COL23A1: variants seen among roughly 807,000 people sequenced by gnomAD.
COL23A1 encodes collagen alpha-1(XXIII) chain.
Under a neutral mutation model 99.3 loss-of-function variants are expected in COL23A1, and 97 were observed. That is an observed-to-expected ratio of 0.98 (90% CI 0.83 to 1.16). COL23A1 has a LOEUF of 1.16. Among genes scored for constraint, COL23A1 ranks in the 50% most tolerant of loss-of-function variants. COL23A1 has a pLI of 0.00. For missense variants in COL23A1, 762 were observed against 757.4 expected, an observed-to-expected ratio of 1.01 and a Z score of -0.07; for synonymous variants, 320 against 308.2, an observed-to-expected ratio of 1.04 and a Z score of -0.40.
At chr5:178,331,809 G>T (rs1760039061) in intron 2 of COL23A1, among the ~76,000 whole-genome samples, 1 of 152,226 alleles carries the variant, frequency 6.6e-6, no homozygotes, top group South Asian at 2.1e-4. Flanking sequence ...TCCACAAAGA[G>T]AACAAAGAGT....
At chr5:178,503,746 A>G (rs72808898) in intron 2 of COL23A1, among the ~76,000 whole-genome samples, 1,658 of 152,202 alleles carry the variant, frequency 0.011, 18 homozygotes, top group Non-Finnish European at 0.015. Context: ...TGTTCTTTGT[A>G]CTTTTTTAAA....
At position 178,589,568 on chromosome 5, in the gene COL23A1, C is replaced by T. The variant is rs1358531898; in HGVS notation, c.294+336G>A. On this transcript the variant is annotated intron_variant, in intron 1 of 28. Transcript: ENST00000390654. This position sits in a 1 kb window ranked among gnomAD's most constrained non-coding sequence, Gnocchi z 5.4. ...CCTCATCTTTATCCCCGACTCTGGCCGCCGGCGGGAAGCGGCGTGTCCGAG... is the reference window on the plus strand; with the variant it reads ...CCTCATCTTTATCCCCGACTCTGGCTGCCGGCGGGAAGCGGCGTGTCCGAG... 3.3e-5 allele frequency among the ~76,000 whole-genome samples: 5 copies of T among 152,232 alleles called. No individual in the cohort carries two copies. Among genetic ancestry groups the T allele is most frequent in the Non-Finnish European group, 7.3e-5 (5 of 68,040 alleles).
At chr5:178,581,711 T>A (rs1011840673) in intron 1 of COL23A1, among the ~76,000 whole-genome samples, 3 of 151,774 alleles carry the variant, frequency 2.0e-5, no homozygotes, top group Admixed American at 2.0e-4. Context: ...CTAACAAAAA[T>A]AGGGGGAGGG....
intron 2 of COL23A1, among the ~76,000 whole-genome samples, chr5:178,531,126 C>T (rs774071883): frequency 2.0e-5 from 3 of 152,168 alleles, no homozygotes; most frequent in Admixed American, 1.3e-4. Context: ...CTCGGCCTCT[C>T]GAAGTGGTGG....
Position 178,549,311 on chromosome 5 carries a change from G to GA in COL23A1, c.361+11370dup, listed in dbSNP as rs199711187. Among the ~76,000 whole-genome samples, 383 of 144,612 alleles carry GA rather than the reference G, an allele frequency of 2.6e-3. 1 individual carries two copies. Among genetic ancestry groups the GA allele is most frequent in the African/African-American group, 8.1e-3 (318 of 39,386 alleles). The allele number at this position is 144,612 out of a possible 152,430, so 94.9% of individuals were successfully genotyped here. On this transcript the variant is annotated intron_variant, in intron 2 of 28. Transcript: ENST00000390654. ...GCCCGGACCCATACAAATACTTCTTGAAAAAAAAAATGAAGGGATAAAACA... is the reference window on the plus strand; with the variant it reads ...GCCCGGACCCATACAAATACTTCTTGAAAAAAAAAAATGAAGGGATAAAACA...
chr5:178,358,419 G>GTGTGTATGTGTA (rs1761936280), intron 2 of COL23A1, among the ~76,000 whole-genome samples: 2 of 140,240 alleles, frequency 1.4e-5, no homozygotes, highest in African/African-American at 5.7e-5. Context: ...GTATGTGTAT[G>GTGTGTATGTGTA]TGTGTGTATG....
At chr5:178,426,895 G>A (rs1164950556) in intron 2 of COL23A1, among the ~76,000 whole-genome samples, 1 of 152,206 alleles carries the variant, frequency 6.6e-6, no homozygotes, top group Non-Finnish European at 1.5e-5. Context: ...TCAGGGAAGT[G>A]CAGATCCAAA....
At chr5:178,361,028 C>T (rs1289603446) in intron 2 of COL23A1, among the ~76,000 whole-genome samples, 1 of 152,210 alleles carries the variant, frequency 6.6e-6, no homozygotes, top group Non-Finnish European at 1.5e-5. Context: ...CTGGCCACAT[C>T]CTTGCTACAT....
intron 2 of COL23A1, among the ~76,000 whole-genome samples, chr5:178,336,219 G>C (rs1257672238): frequency 6.6e-6 from 1 of 152,194 alleles, no homozygotes; most frequent in African/African-American, 2.4e-5. Context: ...ATATGACCCA[G>C]CAATTCCACT....
chr5:178,516,679 G>A (rs2127999516), intron 2 of COL23A1, among the ~76,000 whole-genome samples: 1 of 152,296 alleles, frequency 6.6e-6, no homozygotes, highest in African/African-American at 2.4e-5. Flanking sequence ...GCCAATTCCT[G>A]CCTTTTCCTT....
chr5:178,355,071 A>G (rs971104989), intron 2 of COL23A1, among the ~76,000 whole-genome samples: 1 of 151,548 alleles, frequency 6.6e-6, no homozygotes, highest in Admixed American at 6.6e-5. Context: ...AAAAAAAAAA[A>G]TGGATTTTTA....
chr5:178,288,239 A>C (rs1757262672), intron 5 of COL23A1, 85 bp downstream of exon 5: 1 of 1,144,750 alleles, frequency 8.7e-7, no homozygotes, highest in Non-Finnish European at 1.3e-6. Context: ...ACAGGAGCGC[A>C]GACAGAGTTA....
intron 2 of COL23A1, among the ~76,000 whole-genome samples, chr5:178,410,231 T>C (rs1230511317): frequency 2.0e-5 from 3 of 152,176 alleles, no homozygotes; most frequent in Non-Finnish European, 2.9e-5. Context: ...TTGTGAAAAA[T>C]ATCCAACCTC....
At chr5:178,422,773 G>A (rs777680411) in intron 2 of COL23A1, among the ~76,000 whole-genome samples, 4 of 152,132 alleles carry the variant, frequency 2.6e-5, no homozygotes, top group Non-Finnish European at 1.5e-5. Flanking sequence ...TGGCAATACA[G>A]TTAGGATAAA....
chr5:178,582,050 G>A (rs533503058), intron 1 of COL23A1, among the ~76,000 whole-genome samples: 4 of 151,614 alleles, frequency 2.6e-5, no homozygotes, highest in South Asian at 2.1e-4. Context: ...AAAAAAGTGC[G>A]GGGCAGGGGG....
chr5:178,460,731 T>C (rs2672824), intron 2 of COL23A1, among the ~76,000 whole-genome samples: 114,783 of 152,044 alleles, frequency 0.75, 44,366 homozygotes, highest in Non-Finnish European at 0.84. Flanking sequence ...ATCTTATGCC[T>C]GTTCCCCTGG....
chr5:178,261,614 G>A (rs962645691), intron 11 of COL23A1, 108 bp downstream of exon 11: 2 of 771,574 alleles, frequency 2.6e-6, no homozygotes, highest in Non-Finnish European at 4.6e-6. Flanking sequence ...TGACCCTGCT[G>A]CCTTGGCTTC....
chr5:178,547,106 G>A (rs1205951053), intron 2 of COL23A1, among the ~76,000 whole-genome samples: 1 of 152,174 alleles, frequency 6.6e-6, no homozygotes, highest in Non-Finnish European at 1.5e-5. Flanking sequence ...AGCTGCAAAA[G>A]GTAGAGAAGG....
chr5:178,338,594 A>G (rs2973671), intron 2 of COL23A1, among the ~76,000 whole-genome samples: 70,928 of 151,338 alleles, frequency 0.47, 17,460 homozygotes, highest in East Asian at 0.79. Context: ...ACTGGCCAGC[A>G]CCGGGAATGG....
Sources: allele counts gnomAD v4.1 joint callset (sites outside exome capture counted in the v4.1 genomes callset), GRCh38; gene constraint gnomAD v4.1.1; non-coding constraint Gnocchi (gnomAD v3.1); transcripts MANE v1.5; gene names NCBI Gene and HGNC (gene_info 2026-07-23, HGNC 2026-07-21).